The following NUDT9 variants were observed in gnomAD, a reference collection of about 807,000 sequenced individuals.
NUDT9 encodes the protein ADP-ribose pyrophosphatase.
A neutral mutation model predicts 41.0 loss-of-function variants in NUDT9; 31 were observed. The ratio of observed to expected loss-of-function variants is 0.76; its 90% confidence interval spans 0.57 to 1.02. The LOEUF (loss-of-function observed/expected upper bound fraction) is 1.02, where lower values mean the gene tolerates loss of function less well. Among genes scored for constraint, NUDT9 ranks in the 50% least tolerant of loss-of-function variants. The probability of loss-of-function intolerance (pLI) is 0.00; values close to 1 mark genes in which losing one functional copy is unlikely to be tolerated. For synonymous variants in NUDT9, 146 were observed against 147.6 expected (o/e 0.99, Z 0.08); for missense variants, 380 against 431.4 (o/e 0.88, Z 1.06).
chr4:87,450,927 C>T (rs1722682201), intron 5 of NUDT9, among the ~76,000 whole-genome samples: 1 of 152,152 alleles, frequency 6.6e-6, no homozygotes, highest in Non-Finnish European at 1.5e-5. Flanking sequence ...TAACCTCTGT[C>T]TTTTGGTGCT....
intron 4 of NUDT9, among the ~76,000 whole-genome samples, chr4:87,442,182 A>G (rs1722232630): frequency 6.6e-6 from 1 of 152,232 alleles, no homozygotes; most frequent in African/African-American, 2.4e-5. Flanking sequence ...TATAAGTAGT[A>G]TACACCTATG....
chr4:87,424,417 G>C (rs1339839902), intron 1 of NUDT9, among the ~76,000 whole-genome samples: 8 of 151,960 alleles, frequency 5.3e-5, no homozygotes, highest in African/African-American at 1.9e-4. Flanking sequence ...GCGCACGCCC[G>C]GCTAATTTTT....
At chr4:87,436,502 G>A (rs1578070067) in intron 2 of NUDT9, among the ~76,000 whole-genome samples, 1 of 152,130 alleles carries the variant, frequency 6.6e-6, no homozygotes, top group African/African-American at 2.4e-5. Context: ...GCAGAGAAGA[G>A]TTCTCACTGT....
In NUDT9 at chr4:87,425,631, G is replaced by A. The variant is rs565910120; in HGVS notation, c.107+2619G>A. Among the ~76,000 whole-genome samples the A allele has an allele frequency of 7.8e-4, 116 of 148,220 alleles. No individual in the cohort carries two copies. In the South Asian group the frequency reaches 7.9e-3, roughly 10 times the overall value. ...GCTGGTTTCGAACTCCTGACCTCAG[G>A]CAATCTGTCTGCCTTGGCCTCTCAA... On this transcript the variant is annotated intron_variant, in intron 1 of 7. Coordinates refer to ENST00000302174, the MANE Select transcript of NUDT9 (RefSeq NM_024047.5).
chr4:87,438,399 C>A (rs753451097), intron 3 of NUDT9, 27 bp downstream of exon 3: 3 of 1,250,882 alleles, frequency 2.4e-6, no homozygotes, highest in Non-Finnish European at 3.5e-6. Flanking sequence ...GAGCATCTTA[C>A]AATAATGAGT....
intron 1 of NUDT9, among the ~76,000 whole-genome samples, chr4:87,423,981 A>G (rs1560784645): frequency 6.6e-6 from 1 of 152,212 alleles, no homozygotes; most frequent in Non-Finnish European, 1.5e-5. Context: ...TGTGAACTGT[A>G]AAATTATTAA....
chr4:87,457,366 A>T (rs1723034351), intron 7 of NUDT9, among the ~76,000 whole-genome samples: 1 of 151,490 alleles, frequency 6.6e-6, no homozygotes, highest in East Asian at 1.9e-4. Flanking sequence ...CTCCCAAGTA[A>T]GCTGGGACTG....
At chr4:87,454,259 C>T in intron 6 of NUDT9, 112 bp from the exon 7 acceptor site, 1 of 646,848 alleles carries the variant, frequency 1.5e-6, no homozygotes, top group Non-Finnish European at 2.8e-6. Context: ...TAAGTATGTT[C>T]ATGTTGTTGG....
In NUDT9 at chr4:87,441,932, A is replaced by G; in HGVS notation, c.530+17A>G. The G allele has an allele frequency of 6.4e-7, 1 of 1,569,834 alleles. No individual in the cohort carries two copies. Among genetic ancestry groups the G allele is most frequent in the Non-Finnish European group, 8.7e-7 (1 of 1,155,780 alleles). On this transcript the variant is annotated intron_variant, in intron 4 of 7. Coordinates refer to ENST00000302174, the MANE Select transcript of NUDT9 (RefSeq NM_024047.5). ...TATAACCAGGTAAGAACCAATAAAAAGCATATCAGTAGCAAAGAGCTAAGT... is the reference window on the plus strand; with the variant it reads ...TATAACCAGGTAAGAACCAATAAAAGGCATATCAGTAGCAAAGAGCTAAGT...
In NUDT9 at chr4:87,449,164, A is replaced by G. The variant is rs756840321; in HGVS notation, c.553A>G (p.Asn185Asp). ...ITRWKRDSSG[N>D]KIMHPVSGKH... is the part of the protein sequence containing the mutation. ...CAGATGGAAAAGGGATAGCAGTGGA[A>G]ATAAAATCATGCATCCTGTTTCTGG... The change falls in exon 5 of 8, where the codon AAT becomes GAT. Residue 185 changes from asparagine to aspartate, a missense_variant. Physicochemically the swap from Asn to Asp is conservative, Grantham distance 23. Transcript: ENST00000302174. 4 of 1,604,380 alleles carry G rather than the reference A, an allele frequency of 2.5e-6. No individual in the cohort carries two copies. The African/African-American group carries it at 5.4e-5, about 21-fold the overall frequency.
rs746099847 is a variant in NUDT9, at chr4:87,422,894, C to T, written c.-12C>T. 3 of 1,606,364 alleles carry T rather than the reference C, an allele frequency of 1.9e-6. No individual in the cohort carries two copies. Among genetic ancestry groups the T allele is most frequent in the Admixed American group, 1.7e-5 (1 of 59,742 alleles). On this transcript the variant is annotated 5_prime_UTR_variant, in exon 1 of 8. Transcript: ENST00000302174. ...AGCGACCTAGCATCGCAAAGCCGCC[C>T]TCGGGGCGCTCATGGCGGGACGCCT...
At chr4:87,426,027 G>T (rs1365364602) in intron 1 of NUDT9, among the ~76,000 whole-genome samples, 2 of 152,032 alleles carry the variant, frequency 1.3e-5, no homozygotes, top group African/African-American at 4.8e-5. Flanking sequence ...TGCCCAGGCT[G>T]GTCTCAAACT....
intron 6 of NUDT9, among the ~76,000 whole-genome samples, chr4:87,453,027 G>A (rs1722826966): frequency 1.3e-5 from 2 of 152,060 alleles, no homozygotes; most frequent in South Asian, 4.1e-4. Context: ...GGCCAGGCAG[G>A]TCTTGAACTC....
At chr4:87,426,701 G>A (rs1721438673) in intron 1 of NUDT9, among the ~76,000 whole-genome samples, 1 of 151,346 alleles carries the variant, frequency 6.6e-6, no homozygotes, top group Non-Finnish European at 1.5e-5. Flanking sequence ...GAGCCACTGC[G>A]CCTGGCCTTA....
chr4:87,454,313 C>A, intron 6 of NUDT9, 58 bp from the exon 7 acceptor site: 1 of 881,372 alleles, frequency 1.1e-6, no homozygotes, highest in Non-Finnish European at 1.9e-6. Context: ...AGGTAACATG[C>A]TCTGCTGTAC....
rs1178710574 is a variant in NUDT9, at chr4:87,426,534, T to TTA, written c.107+3522_107+3523insTA. 4.4e-4 allele frequency among the ~76,000 whole-genome samples: 67 copies of TTA among 151,962 alleles called. No homozygotes were observed. In the South Asian group the frequency reaches 0.012, roughly 28 times the overall value. The stretch of plus-strand genomic sequence containing the variant: ...AAGCGATTCTCCTGCCTCAGCCTAG[T>TTA]GAGTAGCTAGGATTACAGGCGTCTG... On this transcript the variant is annotated intron_variant, in intron 1 of 7. Coordinates refer to ENST00000302174, the MANE Select transcript of NUDT9 (RefSeq NM_024047.5).
At chr4:87,433,557 A>C (rs938023824) in intron 1 of NUDT9, among the ~76,000 whole-genome samples, 1 of 152,220 alleles carries the variant, frequency 6.6e-6, no homozygotes, top group African/African-American at 2.4e-5. Flanking sequence ...TGCCCCGTCA[A>C]TCATTTGTCT....
intron 1 of NUDT9, among the ~76,000 whole-genome samples, chr4:87,429,193 C>A (rs6842852): frequency 0.097 from 14,672 of 151,856 alleles, 1,030 homozygotes; most frequent in East Asian, 0.3. Context: ...ACTATGTTGC[C>A]CAGGCTGGAG....
At chr4:87,453,861 C>CTTTTTTT (rs533107265) in intron 6 of NUDT9, among the ~76,000 whole-genome samples, 1 of 136,244 alleles carries the variant, frequency 7.3e-6, no homozygotes, top group Non-Finnish European at 1.6e-5. Context: ...TTCTTTCTTT[C>CTTTTTTT]TTTTTTTTTT....
Sources: allele counts gnomAD v4.1 joint callset (sites outside exome capture counted in the v4.1 genomes callset), GRCh38; gene constraint gnomAD v4.1.1; transcripts MANE v1.5; gene names NCBI Gene and HGNC (gene_info 2026-07-23, HGNC 2026-07-21).